The following DCDC1 variants were observed in gnomAD, a reference collection of about 807,000 sequenced individuals.
The protein encoded by DCDC1 is doublecortin domain containing 1.
Under a neutral mutation model 178.3 loss-of-function variants are expected in DCDC1, and 200 were observed. The observed-to-expected ratio is 1.12, with a 90% CI of 1.00 to 1.26. The LOEUF is 1.26. Among genes scored for constraint, DCDC1 ranks in the 50% most tolerant of loss-of-function variants. DCDC1 has a pLI of 0.00. For missense variants in DCDC1, 1,983 were observed against 1,749.2 expected (o/e 1.13, Z -2.38); for synonymous variants, 690 against 604.8 (o/e 1.14, Z -2.07).
intron 20 of DCDC1, among the ~76,000 whole-genome samples, chr11:31,026,777 A>G (rs567410487): frequency 6.6e-6 from 1 of 151,958 alleles, no homozygotes; most frequent in East Asian, 1.9e-4. Context: ...TAAATGCCAA[A>G]CTTTACACAA....
chr11:31,220,686 A>G (rs988360257), intron 9 of DCDC1, among the ~76,000 whole-genome samples: 4 of 152,318 alleles, frequency 2.6e-5, no homozygotes, highest in African/African-American at 9.6e-5. Flanking sequence ...TTAAAAACCA[A>G]TTTTGAATGT....
intron 1 of DCDC1, among the ~76,000 whole-genome samples, chr11:31,338,692 G>A (rs573695818): frequency 1.3e-4 from 20 of 152,228 alleles, no homozygotes; most frequent in African/African-American, 4.6e-4. Flanking sequence ...AGGGGGTATG[G>A]GGCATAATTT....
chr11:31,074,755 A>G (rs1956767152), intron 18 of DCDC1, among the ~76,000 whole-genome samples: 1 of 152,212 alleles, frequency 6.6e-6, no homozygotes, highest in Admixed American at 6.5e-5. Flanking sequence ...ATGTGGAAGT[A>G]GCTTTGGAAC....
At chr11:31,255,562 C>T (rs1360080923) in intron 8 of DCDC1, among the ~76,000 whole-genome samples, 1 of 152,118 alleles carries the variant, frequency 6.6e-6, no homozygotes, top group Non-Finnish European at 1.5e-5. Flanking sequence ...TTTTGACTTG[C>T]ATTTCCCTAA....
rs192586194 is a variant in DCDC1, at chr11:30,925,002, G to A, written c.2997+307C>T. Among the ~76,000 whole-genome samples, 19 of 152,136 alleles carry A rather than the reference G, an allele frequency of 1.2e-4. No individual in the cohort carries two copies. The East Asian group carries it at 2.1e-3, about 17-fold the overall frequency. On this transcript the variant is annotated intron_variant, in intron 23 of 38. Transcript: ENST00000684477. ...GTGGAAGAATTGCTTGAGCATGGGA[G>A]GCAGAGGTTGCAGTGAGCCAAGACT...
At chr11:31,367,675 T>C (rs968891450) in intron 1 of DCDC1, among the ~76,000 whole-genome samples, 2 of 152,218 alleles carry the variant, frequency 1.3e-5, no homozygotes, top group African/African-American at 4.8e-5. Context: ...GCACAATACA[T>C]ACCAGCTTTT....
At chr11:31,203,724 T>TTA (rs1383611924) in intron 9 of DCDC1, among the ~76,000 whole-genome samples, 4 of 152,252 alleles carry the variant, frequency 2.6e-5, no homozygotes, top group Admixed American at 6.5e-5. Flanking sequence ...AATAGATCAT[T>TTA]TATATATATA....
At chr11:30,916,116 T>C (rs1328258140) in intron 26 of DCDC1, among the ~76,000 whole-genome samples, 2 of 152,210 alleles carry the variant, frequency 1.3e-5, no homozygotes, top group African/African-American at 4.8e-5. Flanking sequence ...GTTTCTTTCC[T>C]CTATCTACAG....
At position 31,297,535 on chromosome 11, in the gene DCDC1, C is replaced by T. The variant is rs147318589; in HGVS notation, c.755-6683G>A. Among the ~76,000 whole-genome samples the T allele has an allele frequency of 2.4e-3, 362 of 152,014 alleles. 4 individuals are homozygous for T. Among genetic ancestry groups the T allele is most frequent in the African/African-American group, 7.4e-3 (307 of 41,448 alleles). On this transcript the variant is annotated intron_variant, in intron 6 of 38. Coordinates refer to ENST00000684477, the MANE Select transcript of DCDC1 (RefSeq NM_001387274.1). The stretch of plus-strand genomic sequence containing the variant: ...TAATTTTTTATATTTTTAGTAGAGA[C>T]GGGGTTTCACCTTATTGGCCAGGCT...
At chr11:30,868,688 T>C (rs775508950) in intron 38 of DCDC1, among the ~76,000 whole-genome samples, 13 of 152,304 alleles carry the variant, frequency 8.5e-5, no homozygotes, top group Non-Finnish European at 1.6e-4. Flanking sequence ...ATCTTCTAAA[T>C]TGGCTGACTC....
At chr11:31,276,985 T>G (rs945365028) in intron 7 of DCDC1, among the ~76,000 whole-genome samples, 5 of 152,170 alleles carry the variant, frequency 3.3e-5, no homozygotes, top group Non-Finnish European at 7.4e-5. Context: ...CTCTGTTGAT[T>G]TATAATGTAC....
chr11:31,058,368 G>A (rs1336661852), intron 20 of DCDC1, among the ~76,000 whole-genome samples: 1 of 152,132 alleles, frequency 6.6e-6, no homozygotes, highest in Non-Finnish European at 1.5e-5. Context: ...TCCGGCCCTG[G>A]AGGTACAAAT....
rs186314183 is a variant in DCDC1, at chr11:31,239,144, G to A, written c.1221+2306C>T. ...AATATCAAGAATAATCTAATCATAC[G>A]ATTTATAAACTTTAATTTGTTAAGG... On this transcript the variant is annotated intron_variant, in intron 9 of 38. Coordinates refer to ENST00000684477, the MANE Select transcript of DCDC1 (RefSeq NM_001387274.1). 2.1e-3 allele frequency among the ~76,000 whole-genome samples: 323 copies of A among 151,994 alleles called. 2 individuals carry two copies. The highest frequency in any genetic ancestry group is 7.0e-3 in the African/African-American group (292 of 41,498).
intron 3 of DCDC1, among the ~76,000 whole-genome samples, chr11:31,313,125 C>T (rs7945765): frequency 0.23 from 35,052 of 152,016 alleles, 4,175 homozygotes; most frequent in East Asian, 0.28. Context: ...TATTTGTTTT[C>T]TGTTTTACCT....
intron 20 of DCDC1, among the ~76,000 whole-genome samples, chr11:31,032,796 C>T (rs928802996): frequency 3.9e-5 from 6 of 152,094 alleles, no homozygotes; most frequent in Non-Finnish European, 7.4e-5. Flanking sequence ...ATTAGTTCAG[C>T]AAAGTGGAGT....
intron 9 of DCDC1, among the ~76,000 whole-genome samples, chr11:31,239,891 A>T (rs1013031681): frequency 1.3e-5 from 2 of 151,886 alleles, no homozygotes; most frequent in African/African-American, 4.8e-5. Flanking sequence ...TTTTAAATCT[A>T]GTATAGCAAT....
At chr11:31,280,108 T>A (rs1161932585) in intron 7 of DCDC1, among the ~76,000 whole-genome samples, 1 of 152,134 alleles carries the variant, frequency 6.6e-6, no homozygotes. Context: ...TAAACCACAC[T>A]AAAATTCCTT....
At chr11:31,292,557 A>C (rs1187089393) in intron 6 of DCDC1, among the ~76,000 whole-genome samples, 2 of 152,180 alleles carry the variant, frequency 1.3e-5, no homozygotes, top group Non-Finnish European at 2.9e-5. Flanking sequence ...GAAATATCAG[A>C]ATAGGTACAT....
intron 9 of DCDC1, among the ~76,000 whole-genome samples, chr11:31,239,324 G>A (rs1006420279): frequency 2.0e-5 from 3 of 151,918 alleles, no homozygotes; most frequent in Non-Finnish European, 2.9e-5. Flanking sequence ...TATTTGCTAG[G>A]AAATCCCACT....
Sources: allele counts gnomAD v4.1 joint callset (sites outside exome capture counted in the v4.1 genomes callset), GRCh38; gene constraint gnomAD v4.1.1; transcripts MANE v1.5; gene names NCBI Gene and HGNC (gene_info 2026-07-23, HGNC 2026-07-21).